SMYD3: variants seen among roughly 807,000 people sequenced by gnomAD.
The protein encoded by SMYD3 is SET and MYND domain containing 3.
Under a neutral mutation model 57.7 loss-of-function variants are expected in SMYD3, and 36 were observed. That is an observed-to-expected ratio of 0.62 (90% confidence interval 0.48 to 0.82). The LOEUF (loss-of-function observed/expected upper bound fraction) is 0.82, where lower values mean the gene tolerates loss of function less well. SMYD3 is among the 40% of genes least tolerant of loss of function. The pLI is 0.00. For synonymous variants in SMYD3, 211 were observed against 195.0 expected (o/e 1.08, Z -0.68); for missense variants, 515 against 538.8 (o/e 0.96, Z 0.44).
chr1:246,135,494 T>A (rs1245366057), intron 5 of SMYD3, among the ~76,000 whole-genome samples: 2 of 152,022 alleles, frequency 1.3e-5, no homozygotes, highest in Non-Finnish European at 2.9e-5. Context: ...CATTCCTGAG[T>A]CATCTCAAGA....
At chr1:246,349,620 T>C (rs1476058726) in intron 2 of SMYD3, among the ~76,000 whole-genome samples, 4 of 151,028 alleles carry the variant, frequency 2.6e-5, no homozygotes, top group African/African-American at 4.9e-5. Flanking sequence ...AAACAATTTT[T>C]TTTAAAGAGA....
intron 2 of SMYD3, among the ~76,000 whole-genome samples, chr1:246,342,460 T>C (rs1166750479): frequency 6.6e-6 from 1 of 152,164 alleles, no homozygotes; most frequent in African/African-American, 2.4e-5. Flanking sequence ...GAATTACAGA[T>C]TGTCAGATGC....
intron 1 of SMYD3, among the ~76,000 whole-genome samples, chr1:246,382,101 C>G (rs1314681552): frequency 6.6e-6 from 1 of 151,144 alleles, no homozygotes. Context: ...CCCCAGACCC[C>G]TCCAGCTGAC....
intron 1 of SMYD3, among the ~76,000 whole-genome samples, chr1:246,458,846 A>T (rs10924737): frequency 0.99 from 151,022 of 152,188 alleles, 74,948 homozygotes; most frequent in Middle Eastern, 1. Flanking sequence ...GGAACATGTG[A>T]TGTGAAAATG....
chr1:246,230,719 C>G (rs1189345742), intron 5 of SMYD3, among the ~76,000 whole-genome samples: 1 of 152,212 alleles, frequency 6.6e-6, no homozygotes, highest in Non-Finnish European at 1.5e-5. Context: ...TCCTATAGAA[C>G]TTTCTGCAAT....
intron 1 of SMYD3, among the ~76,000 whole-genome samples, chr1:246,374,474 T>C (rs1249082548): frequency 6.6e-6 from 1 of 152,082 alleles, no homozygotes; most frequent in Non-Finnish European, 1.5e-5. Flanking sequence ...GACCACTTGG[T>C]GCTCTGTTTT....
At chr1:246,019,279 A>G (rs2059428915) in intron 5 of SMYD3, among the ~76,000 whole-genome samples, 1 of 152,170 alleles carries the variant, frequency 6.6e-6, no homozygotes, top group Admixed American at 6.5e-5. Flanking sequence ...TACACACCCT[A>G]CAATGCACAA....
chr1:245,935,130 G>A (rs892221652), intron 5 of SMYD3, among the ~76,000 whole-genome samples: 1 of 152,050 alleles, frequency 6.6e-6, no homozygotes, highest in African/African-American at 2.4e-5. Context: ...CCACAGAGTG[G>A]GAGAAAGTAT....
intron 1 of SMYD3, among the ~76,000 whole-genome samples, chr1:246,460,051 C>T (rs1011408001): frequency 1.1e-4 from 17 of 152,068 alleles, no homozygotes; most frequent in African/African-American, 3.9e-4. Context: ...CACACCCCTA[C>T]GCTTGATTTC....
intron 10 of SMYD3, among the ~76,000 whole-genome samples, chr1:245,828,117 G>A (rs960044334): frequency 6.6e-6 from 1 of 152,192 alleles, no homozygotes; most frequent in Non-Finnish European, 1.5e-5. Context: ...CAAATTCCTA[G>A]TCTTTATCCA....
chr1:246,000,445 G>A (rs1004856983), intron 5 of SMYD3, among the ~76,000 whole-genome samples: 10 of 152,148 alleles, frequency 6.6e-5, no homozygotes, highest in African/African-American at 2.4e-4. Flanking sequence ...TCTCCCACTG[G>A]GGTAGAAAGG....
intron 1 of SMYD3, among the ~76,000 whole-genome samples, chr1:246,494,650 T>G (rs1031263214): frequency 4.6e-5 from 7 of 152,232 alleles, no homozygotes; most frequent in Non-Finnish European, 8.8e-5. Flanking sequence ...TTCTTGATCA[T>G]TGGTACAACA....
At chr1:245,959,516 A>G (rs1318921617) in intron 5 of SMYD3, among the ~76,000 whole-genome samples, 1 of 152,126 alleles carries the variant, frequency 6.6e-6, no homozygotes, top group Non-Finnish European at 1.5e-5. Context: ...CAGTTTCCCT[A>G]TTTATAAAAC....
At chr1:246,046,552 C>G (rs1005005874) in intron 5 of SMYD3, among the ~76,000 whole-genome samples, 4 of 151,334 alleles carry the variant, frequency 2.6e-5, no homozygotes, top group Non-Finnish European at 5.9e-5. Flanking sequence ...TGCAGCACAC[C>G]AACATGGCAC....
chr1:246,268,929 T>C (rs1198113583), intron 5 of SMYD3, among the ~76,000 whole-genome samples: 1 of 150,252 alleles, frequency 6.7e-6, no homozygotes, highest in East Asian at 2.0e-4. Flanking sequence ...GTTAATAAAA[T>C]GATCCAAACT....
intron 10 of SMYD3, among the ~76,000 whole-genome samples, chr1:245,838,361 G>A (rs149561624): frequency 6.6e-6 from 1 of 152,302 alleles, no homozygotes; most frequent in Non-Finnish European, 1.5e-5. Context: ...CCTGGGAATA[G>A]GCATCAGTTG....
chr1:246,127,720 AC>A (rs1299576765), intron 5 of SMYD3, among the ~76,000 whole-genome samples: 6 of 151,778 alleles, frequency 4.0e-5, no homozygotes, highest in African/African-American at 1.5e-4. Flanking sequence ...ACATAACGAA[AC>A]CCCATCTCTA....
At position 246,248,019 on chromosome 1, in the gene SMYD3, C is replaced by G. The variant is rs147694482; in HGVS notation, c.531+79182G>C. Among the ~76,000 whole-genome samples, 295 of 152,242 alleles carry G rather than the reference C, an allele frequency of 1.9e-3. 2 individuals are homozygous for G. Among genetic ancestry groups the G allele is most frequent in the African/African-American group, 6.8e-3 (281 of 41,534 alleles). ...ACCACCTTGCTGAAACCAACCGTTGCAGAGATTCATTCTATTGATGTAAGG... is the reference window on the plus strand; with the variant it reads ...ACCACCTTGCTGAAACCAACCGTTGGAGAGATTCATTCTATTGATGTAAGG... On this transcript the variant is annotated intron_variant, in intron 5 of 11. Coordinates refer to ENST00000490107, the MANE Select transcript of SMYD3 (RefSeq NM_001167740.2).
intron 10 of SMYD3, among the ~76,000 whole-genome samples, chr1:245,776,017 A>G (rs2046574023): frequency 6.6e-6 from 1 of 152,228 alleles, no homozygotes; most frequent in Non-Finnish European, 1.5e-5. Context: ...AAATTAAAAT[A>G]CACAACAATT....
Sources: gnomAD v4.1 joint callset for allele counts (sites outside exome capture counted in the v4.1 genomes callset) on GRCh38, gnomAD v4.1.1 for gene constraint, MANE v1.5 for transcripts, NCBI Gene and HGNC (gene_info 2026-07-23, HGNC 2026-07-21) for gene names.